ITGA8: variants seen among roughly 807,000 people sequenced by gnomAD.
ITGA8 encodes the protein integrin alpha-8.
In ITGA8, 91 loss-of-function variants were observed where a neutral mutation model predicts 142.3. That is an observed-to-expected ratio of 0.64 (90% CI 0.54 to 0.76). The LOEUF is 0.76. Among genes scored for constraint, ITGA8 ranks in the 30% least tolerant of loss-of-function variants. The probability of loss-of-function intolerance (pLI) is 0.00; values close to 1 mark genes in which losing one functional copy is unlikely to be tolerated. For missense variants in ITGA8, 1,406 were observed against 1,327.7 expected (o/e 1.06, Z -0.92); for synonymous variants, 505 against 485.2 (o/e 1.04, Z -0.54).
At chr10:15,642,623 T>A (rs1253079257) in intron 13 of ITGA8, among the ~76,000 whole-genome samples, 1 of 152,172 alleles carries the variant, frequency 6.6e-6, no homozygotes, top group African/African-American at 2.4e-5. Flanking sequence ...ATTAGCATAA[T>A]GTAACCTAAG....
chr10:15,570,115 A>G (rs1834150757), intron 25 of ITGA8, among the ~76,000 whole-genome samples: 1 of 152,234 alleles, frequency 6.6e-6, no homozygotes, highest in South Asian at 2.1e-4. Context: ...ATAACATTTC[A>G]ACTTCTCTAT....
At chr10:15,661,202 C>T (rs1423485842) in intron 8 of ITGA8, among the ~76,000 whole-genome samples, 1 of 152,184 alleles carries the variant, frequency 6.6e-6, no homozygotes, top group Non-Finnish European at 1.5e-5. Context: ...CTGAGCACTG[C>T]CTCCTGTCTG....
At chr10:15,696,190 C>G (rs1245677968) in intron 2 of ITGA8, among the ~76,000 whole-genome samples, 1 of 152,180 alleles carries the variant, frequency 6.6e-6, no homozygotes, top group African/African-American at 2.4e-5. Flanking sequence ...ACCAGTGGTT[C>G]CGGGAGAGGA....
chr10:15,598,752 T>C (rs149157328), intron 20 of ITGA8, among the ~76,000 whole-genome samples: 57 of 152,324 alleles, frequency 3.7e-4, no homozygotes, highest in Non-Finnish European at 7.4e-4. Context: ...TGGAAATATC[T>C]GTCCTAGTTA....
chr10:15,666,956 C>T (rs1427175660), intron 8 of ITGA8, among the ~76,000 whole-genome samples: 1 of 152,150 alleles, frequency 6.6e-6, no homozygotes, highest in Non-Finnish European at 1.5e-5. Context: ...CGATGTTCAT[C>T]AAGGATATTG....
At chr10:15,650,943 G>A (rs940843250) in intron 11 of ITGA8, among the ~76,000 whole-genome samples, 4 of 152,218 alleles carry the variant, frequency 2.6e-5, no homozygotes, top group Middle Eastern at 3.4e-3. Flanking sequence ...GAATCATAAT[G>A]ATATATCCTG....
At position 15,550,243 on chromosome 10, in the gene ITGA8, C is replaced by T. The variant is rs184036200; in HGVS notation, c.2767-1675G>A. Among the ~76,000 whole-genome samples the T allele has an allele frequency of 2.4e-3, 363 of 152,288 alleles. 1 individual carries two copies. The highest frequency in any genetic ancestry group is 5.4e-3 in the African/African-American group (223 of 41,554). On this transcript the variant is annotated intron_variant, in intron 26 of 29. Coordinates refer to ENST00000378076, the MANE Select transcript of ITGA8 (RefSeq NM_003638.3). Reference sequence around the variant, plus strand: ...TGAGGACTCCCTAGCCATGTGGAATCGTGAGCCCATTAAGCCTCTTTTTCT... The same window carrying T: ...TGAGGACTCCCTAGCCATGTGGAATTGTGAGCCCATTAAGCCTCTTTTTCT...
chr10:15,575,542 C>T lies in ITGA8; in HGVS notation c.2425G>A (p.Glu809Lys), dbSNP rs554959741. 6 of 1,614,112 alleles carry T rather than the reference C, an allele frequency of 3.7e-6. No individual in the cohort carries two copies. Among genetic ancestry groups the T allele is most frequent in the South Asian group, 3.3e-5 (3 of 91,074 alleles). ...VLPIHNWEPE[E>K]EPHKEEEVGP... ...ACCTCCTCCTCTTTGTGGGGCTCCT[C>T]TTCTGGTTCCCAGTTATGAATGGGC... Residue 809 changes from glutamate (E) to lysine (K), a missense_variant, in exon 24 of 30, where the codon GAG (glutamate) becomes AAG (lysine). By Grantham distance (56) the Glu-to-Lys change is moderately conservative. Transcript: ENST00000378076.
At chr10:15,529,349 T>C (rs533756424) in intron 28 of ITGA8, among the ~76,000 whole-genome samples, 3 of 152,360 alleles carry the variant, frequency 2.0e-5, no homozygotes, top group Non-Finnish European at 4.4e-5. Context: ...GATAATCTTA[T>C]TGATCTTGTT....
intron 28 of ITGA8, among the ~76,000 whole-genome samples, chr10:15,521,722 C>T (rs1349638466): frequency 1.3e-5 from 2 of 152,190 alleles, no homozygotes; most frequent in Non-Finnish European, 1.5e-5. Flanking sequence ...GGTGACATTA[C>T]GTACACTCTG....
At chr10:15,695,199 C>T (rs370447780) in intron 2 of ITGA8, among the ~76,000 whole-genome samples, 1 of 152,090 alleles carries the variant, frequency 6.6e-6, no homozygotes, top group Non-Finnish European at 1.5e-5. Flanking sequence ...TACAAATGAA[C>T]GGGCTTCATT....
At chr10:15,703,656 T>A (rs1416492877) in intron 2 of ITGA8, among the ~76,000 whole-genome samples, 1 of 152,154 alleles carries the variant, frequency 6.6e-6, no homozygotes, top group African/African-American at 2.4e-5. Flanking sequence ...TTGTACTGAC[T>A]GAGACAACGT....
chr10:15,622,614 C>T (rs1344356791), intron 13 of ITGA8, among the ~76,000 whole-genome samples: 1 of 137,336 alleles, frequency 7.3e-6, no homozygotes, highest in Non-Finnish European at 1.7e-5. Flanking sequence ...AAAAAAAAAC[C>T]ACATGAGCAA....
chr10:15,685,415 C>CT (rs1834817388), intron 3 of ITGA8, among the ~76,000 whole-genome samples: 1 of 152,028 alleles, frequency 6.6e-6, no homozygotes, highest in South Asian at 2.1e-4. Context: ...ACTTTGGAAC[C>CT]TTTTTTGGAA....
At chr10:15,525,972 AAC>A (rs1157690676) in intron 28 of ITGA8, among the ~76,000 whole-genome samples, 13 of 152,196 alleles carry the variant, frequency 8.5e-5, no homozygotes, top group Admixed American at 5.2e-4. Context: ...CTGTGAAAGT[AAC>A]ACAACCGTGT....
At chr10:15,713,945 C>G (rs115016834) in intron 2 of ITGA8, among the ~76,000 whole-genome samples, 3,075 of 151,980 alleles carry the variant, frequency 0.02, 113 homozygotes, top group African/African-American at 0.069. Context: ...TTCTAGTGGT[C>G]TTTCTCAGAT....
At chr10:15,545,452 A>G (rs989544560) in intron 27 of ITGA8, among the ~76,000 whole-genome samples, 1 of 152,040 alleles carries the variant, frequency 6.6e-6, no homozygotes, top group African/African-American at 2.4e-5. Flanking sequence ...AAGCTGTTTT[A>G]TTAGATGCTG....
chr10:15,553,397 G>T (rs1166126874), intron 26 of ITGA8, among the ~76,000 whole-genome samples: 7 of 145,780 alleles, frequency 4.8e-5, no homozygotes, highest in Admixed American at 1.4e-4. Context: ...ATTGAGATTT[G>T]CTCATTATAT....
chr10:15,537,922 AGCCT>A (rs1833479730), intron 27 of ITGA8, among the ~76,000 whole-genome samples: 1 of 152,028 alleles, frequency 6.6e-6, no homozygotes, highest in South Asian at 2.1e-4. Flanking sequence ...GTTTGAGACA[AGCCT>A]GGGTAGCACA....
Sources: allele counts gnomAD v4.1 joint callset (sites outside exome capture counted in the v4.1 genomes callset), GRCh38; gene constraint gnomAD v4.1.1; transcripts MANE v1.5; gene names NCBI Gene and HGNC (gene_info 2026-07-23, HGNC 2026-07-21).